NBEA: variants seen among roughly 807,000 people sequenced by gnomAD.
The protein encoded by NBEA is neurobeachin.
In NBEA, 44 loss-of-function variants were observed where a neutral mutation model predicts 343.4. The ratio of observed to expected loss-of-function variants is 0.13; its 90% CI spans 0.10 to 0.16. The LOEUF is 0.16. Ranked by LOEUF, NBEA falls within the 10% of genes least tolerant of loss-of-function variation. The pLI, the probability that NBEA is intolerant of heterozygous loss-of-function variation, is 1.00. For synonymous variants in NBEA, 1,175 were observed against 1,238.7 expected (o/e 0.95, Z 1.08); for missense variants, 2,555 against 3,631.3 (o/e 0.70, Z 7.62).
intron 1 of NBEA, among the ~76,000 whole-genome samples, chr13:34,979,026 A>T (rs967004914): frequency 2.0e-5 from 3 of 152,208 alleles, no homozygotes; most frequent in Admixed American, 6.5e-5. Flanking sequence ...TTGGTTTTAG[A>T]AACCTGACAG....
intron 1 of NBEA, among the ~76,000 whole-genome samples, chr13:34,997,471 C>T (rs2060978886): frequency 6.6e-6 from 1 of 152,080 alleles, no homozygotes; most frequent in Non-Finnish European, 1.5e-5. Context: ...TGCTTCTAGA[C>T]CAGCAAGCTA....
chr13:35,044,299 A>T (rs2062763617), intron 2 of NBEA, among the ~76,000 whole-genome samples: 1 of 152,162 alleles, frequency 6.6e-6, no homozygotes, highest in Admixed American at 6.6e-5. Context: ...GGAATAAATT[A>T]TCTGTGCCAC....
chr13:35,589,588 G>A (rs572748740), intron 46 of NBEA, among the ~76,000 whole-genome samples: 26 of 152,198 alleles, frequency 1.7e-4, no homozygotes, highest in African/African-American at 5.8e-4. Flanking sequence ...TACAAGAAGC[G>A]AAGGATGTAA....
intron 46 of NBEA, among the ~76,000 whole-genome samples, chr13:35,591,614 C>T (rs1304936827): frequency 6.6e-6 from 1 of 151,990 alleles, no homozygotes; most frequent in Non-Finnish European, 1.5e-5. Context: ...CAACACTGAA[C>T]ATGAAATAGT....
In NBEA at chr13:35,161,864, A is replaced by G; in HGVS notation, c.3976A>G (p.Thr1326Ala). ...ACGCCAGTTTAGCCCAGGTCCACGG[A>G]CTACAATGTTTCGTATTCCTGAGTT... ...QRRQFSPGPR[T>A]TMFRIPEFKW... The change falls in exon 23 of 59, where the codon ACT becomes GCT. Residue 1326 changes from threonine to alanine, a missense_variant. Physicochemically the swap from Thr to Ala is moderately conservative, Grantham distance 58 (BLOSUM62 0). Coordinates refer to ENST00000379939, the MANE Select transcript of NBEA (RefSeq NM_001385012.1). 2 of 1,606,186 alleles carry G rather than the reference A, an allele frequency of 1.2e-6. No individual in the cohort carries two copies. Among genetic ancestry groups the G allele is most frequent in the Non-Finnish European group, 1.7e-6 (2 of 1,176,166 alleles).
chr13:35,552,578 C>T (rs1398484828), intron 43 of NBEA, among the ~76,000 whole-genome samples: 1 of 152,144 alleles, frequency 6.6e-6, no homozygotes, highest in Non-Finnish European at 1.5e-5. Context: ...CAAGTGCTTA[C>T]ATACTATTTG....
At chr13:35,562,443 G>A (rs544718195) in intron 44 of NBEA, among the ~76,000 whole-genome samples, 6 of 152,008 alleles carry the variant, frequency 3.9e-5, no homozygotes, top group South Asian at 2.1e-4. Context: ...CCGCTAACAC[G>A]GCTTTGTGTA....
At chr13:35,425,316 G>C (rs1476949242) in intron 38 of NBEA, among the ~76,000 whole-genome samples, 2 of 152,044 alleles carry the variant, frequency 1.3e-5, no homozygotes, top group South Asian at 4.1e-4. Flanking sequence ...ACACTGCTTT[G>C]AATGTGTCCC....
chr13:35,198,081 TTTTTGGTA>T (rs1406245836), intron 31 of NBEA, among the ~76,000 whole-genome samples: 1 of 152,172 alleles, frequency 6.6e-6, no homozygotes, highest in Non-Finnish European at 1.5e-5. Context: ...TATTTTTCTT[TTTTTGGTA>T]TTTTGGTATT....
chr13:35,433,273 A>C (rs1257662750), intron 39 of NBEA, among the ~76,000 whole-genome samples: 1 of 152,128 alleles, frequency 6.6e-6, no homozygotes, highest in Non-Finnish European at 1.5e-5. Flanking sequence ...GGGGTATATC[A>C]GAATTTTACA....
At chr13:35,395,729 G>GA (rs1387040248) in intron 38 of NBEA, among the ~76,000 whole-genome samples, 2 of 152,088 alleles carry the variant, frequency 1.3e-5, no homozygotes, top group African/African-American at 4.8e-5. Context: ...CCTATTAAAA[G>GA]AGAGATGTTA....
intron 27 of NBEA, 29 bp from the exon 28 acceptor site, chr13:35,176,967 T>C (rs377385469): frequency 7.3e-7 from 1 of 1,370,894 alleles, no homozygotes; most frequent in African/African-American, 1.4e-5. Flanking sequence ...TAATATATTA[T>C]CTATTCACAA....
chr13:34,987,730 T>C (rs2060604382), intron 1 of NBEA, among the ~76,000 whole-genome samples: 1 of 151,130 alleles, frequency 6.6e-6, no homozygotes, highest in South Asian at 2.1e-4. Flanking sequence ...CTTCTCGCTT[T>C]ATTTCATTAA....
intron 34 of NBEA, among the ~76,000 whole-genome samples, chr13:35,255,175 C>T (rs2032443790): frequency 6.6e-6 from 1 of 152,114 alleles, no homozygotes; most frequent in African/African-American, 2.4e-5. Flanking sequence ...TTATTTTTTT[C>T]CCCACTGAAT....
In NBEA at chr13:34,979,556, A is replaced by T. The variant is rs894127621; in HGVS notation, c.294+36442A>T. 3.9e-5 allele frequency among the ~76,000 whole-genome samples: 6 copies of T among 152,230 alleles called. No individual in the cohort carries two copies. The East Asian group carries it at 1.2e-3, about 29-fold the overall frequency. ...AAAGAAAAACAATTTTCCCCTGGGA[A>T]GTACCTATTCAAATCTTTTGCCAAT... On this transcript the variant is annotated intron_variant, in intron 1 of 58. Coordinates refer to ENST00000379939, the MANE Select transcript of NBEA (RefSeq NM_001385012.1).
intron 34 of NBEA, among the ~76,000 whole-genome samples, chr13:35,272,429 A>G (rs2034236926): frequency 6.6e-6 from 1 of 152,200 alleles, no homozygotes; most frequent in African/African-American, 2.4e-5. Context: ...CCTCAACGCT[A>G]TGAAGAAACT....
At position 35,432,329 on chromosome 13, in the gene NBEA, A is replaced by G; in HGVS notation, c.6240A>G (p.Arg2080=). 6.2e-7 allele frequency: 1 copy of G among 1,609,196 alleles called. No homozygotes were observed. Among genetic ancestry groups the G allele is most frequent in the Non-Finnish European group, 8.5e-7 (1 of 1,177,530 alleles). The change falls in exon 39 of 59, where the codon CGA becomes CGG. Residue 2080 remains arginine, a synonymous_variant. Transcript: ENST00000379939. ...AAGATGATCTTCGTCGAAGGAGACG[A>G]TTTGTTCGCAATGCATTTGGCTCCA... ...YWEDDLRRRR[R]FVRNAFGSTH...
intron 41 of NBEA, among the ~76,000 whole-genome samples, chr13:35,530,348 C>T (rs1052359869): frequency 6.6e-6 from 1 of 152,160 alleles, no homozygotes. Flanking sequence ...GCGGCCTGTC[C>T]CCAGTGCTTG....
intron 38 of NBEA, among the ~76,000 whole-genome samples, chr13:35,358,055 G>A (rs760162755): frequency 1.8e-4 from 28 of 151,926 alleles, no homozygotes; most frequent in South Asian, 4.2e-4. Context: ...GGAGTCTCAC[G>A]CTGTCACCCA....
Sources: gnomAD v4.1 joint callset for allele counts (sites outside exome capture counted in the v4.1 genomes callset) on GRCh38, gnomAD v4.1.1 for gene constraint, MANE v1.5 for transcripts, NCBI Gene and HGNC (gene_info 2026-07-23, HGNC 2026-07-21) for gene names.